AKT2: variants seen among roughly 807,000 people sequenced by gnomAD.
The protein encoded by AKT2 is RAC-beta serine/threonine-protein kinase.
A neutral mutation model predicts 58.6 loss-of-function variants in AKT2; 16 were observed. The ratio of observed to expected loss-of-function variants is 0.27; its 90% confidence interval spans 0.18 to 0.41. The LOEUF (loss-of-function observed/expected upper bound fraction) is 0.41. Ranked by LOEUF, AKT2 falls within the 10% of genes least tolerant of loss-of-function variation. AKT2 has a pLI of 1.00. For missense variants in AKT2, 438 were observed against 661.0 expected (o/e 0.66, Z 3.70); for synonymous variants, 253 against 254.0 (o/e 1.00, Z 0.04).
rs777596408 is a variant in AKT2 at position 40,234,022 on chromosome 19, G to C, written c.1367-71C>G. 5.3e-6 allele frequency: 8 copies of C among 1,518,100 alleles called. No individual in the cohort carries two copies. The highest frequency in any genetic ancestry group is 6.3e-6 in the Non-Finnish European group (7 of 1,114,414). The allele number at this position is 1,518,100 out of a possible 1,614,324, so 94.0% of individuals were successfully genotyped here. On this transcript the variant is annotated intron_variant, in intron 13 of 13. Transcript: ENST00000392038. The surrounding 1 kb of genome is among the most constrained non-coding windows in gnomAD (Gnocchi z 4.7). ...CTGGGACACCTGCCCAGACTCCCTG[G>C]GGAAACGGCCCCAGCTGGCGGGGGC...
intron 1 of AKT2, among the ~76,000 whole-genome samples, chr19:40,266,798 C>CAAA (rs1568562765): frequency 6.6e-6 from 1 of 152,010 alleles, no homozygotes; most frequent in African/African-American, 2.4e-5. Context: ...TTTTTTTCTA[C>CAAA]AAAAAAATTA....
In AKT2 at chr19:40,238,383, A is replaced by G. The variant is rs1974162937; in HGVS notation, c.709-292T>C. On this transcript the variant is annotated intron_variant, in intron 8 of 13. Coordinates refer to ENST00000392038, the MANE Select transcript of AKT2 (RefSeq NM_001626.6). This position sits in a 1 kb window ranked among gnomAD's most constrained non-coding sequence, Gnocchi z 5.1. ...AAAGAAGCACACGTCATGACCAAGT[A>G]ACAATAGGCCATGGGCAAGCCCAGA... is the stretch of plus-strand genomic sequence containing the variant. Among the ~76,000 whole-genome samples, 1 of 152,182 alleles carries G rather than the reference A, an allele frequency of 6.6e-6. No individual in the cohort carries two copies. The highest frequency in any genetic ancestry group is 2.1e-4 in the South Asian group (1 of 4,834).
At chr19:40,265,465 A>G in intron 1 of AKT2, 114 bp from the exon 2 acceptor site, 1 of 1,396,328 alleles carries the variant, frequency 7.2e-7, no homozygotes, top group South Asian at 1.4e-5. Context: ...AGCAAAGGGT[A>G]AGGCCAGCAA....
At chr19:40,252,793 G>A (rs1488286257) in intron 4 of AKT2, among the ~76,000 whole-genome samples, 1 of 152,098 alleles carries the variant, frequency 6.6e-6, no homozygotes, top group Non-Finnish European at 1.5e-5. Context: ...TGCTATCTCC[G>A]TGGCCAAATC....
intron 2 of AKT2, among the ~76,000 whole-genome samples, chr19:40,262,404 C>T (rs2145344531): frequency 6.6e-6 from 1 of 152,350 alleles, no homozygotes; most frequent in African/African-American, 2.4e-5. Flanking sequence ...GCACAGCCCA[C>T]ATCTTGACTA....
At chr19:40,252,433 C>T (rs1039416910) in intron 4 of AKT2, among the ~76,000 whole-genome samples, 5 of 152,198 alleles carry the variant, frequency 3.3e-5, no homozygotes, top group African/African-American at 7.2e-5. Flanking sequence ...AAAATGGAAA[C>T]GAGACCATCT....
At chr19:40,254,706 G>A (rs1343417403) in intron 4 of AKT2, among the ~76,000 whole-genome samples, 1 of 152,032 alleles carries the variant, frequency 6.6e-6, no homozygotes, top group Non-Finnish European at 1.5e-5. Flanking sequence ...GCACACGCCT[G>A]TAATCCCAGC....
chr19:40,235,383 C>G lies in AKT2; in HGVS notation c.1176-33G>C. The G allele has an allele frequency of 1.9e-6, 3 of 1,610,194 alleles. No individual in the cohort carries two copies. Among genetic ancestry groups the G allele is most frequent in the Non-Finnish European group, 2.5e-6 (3 of 1,177,634 alleles). ...GAGACGGCCGTCAGCACCTGCCTCC[C>G]GGAGCAGCTGGGTTCGGGCAGACGG... On this transcript the variant is annotated intron_variant, in intron 11 of 13. Transcript: ENST00000392038. The surrounding 1 kb of genome is among the most constrained non-coding windows in gnomAD (Gnocchi z 6.3).
At chr19:40,241,911 C>T (rs977482003) in intron 6 of AKT2, 27 bp downstream of exon 6, 36 of 1,612,972 alleles carry the variant, frequency 2.2e-5, no homozygotes, top group East Asian at 1.1e-4. Context: ...CACAGAGGCT[C>T]GCGAGCGCAA....
At chr19:40,248,018 C>T (rs1303851357) in intron 4 of AKT2, among the ~76,000 whole-genome samples, 1 of 152,228 alleles carries the variant, frequency 6.6e-6, no homozygotes, top group African/African-American at 2.4e-5. Context: ...CAAGCACAGG[C>T]TCTGGGCCAG....
chr19:40,235,257 G>A lies in AKT2; in HGVS notation c.1263+6C>T. On this transcript the variant is annotated splice_donor_region_variant and intron_variant, in intron 12 of 13. Coordinates refer to ENST00000392038, the MANE Select transcript of AKT2 (RefSeq NM_001626.6). This position sits in a 1 kb window ranked among gnomAD's most constrained non-coding sequence, Gnocchi z 6.3. The stretch of plus-strand genomic sequence containing the variant: ...GGGTCCTGCTGGGGCAAGCAGTGGG[G>A]CTCACCTTCTTCTGGACCACGTCCT... 6.2e-7 allele frequency: 1 copy of A among 1,614,084 alleles called. No homozygotes were observed. Among genetic ancestry groups the A allele is most frequent in the Non-Finnish European group, 8.5e-7 (1 of 1,180,010 alleles).
At position 40,235,151 on chromosome 19, in the gene AKT2, C is replaced by T. The variant is rs763704160; in HGVS notation, c.1264-4G>A. 3.1e-5 allele frequency: 50 copies of T among 1,613,800 alleles called. No individual in the cohort carries two copies. Among genetic ancestry groups the T allele is most frequent in the East Asian group, 1.8e-4 (8 of 44,848 alleles). On this transcript the variant is annotated splice_polypyrimidine_tract_variant and splice_region_variant and intron_variant, in intron 12 of 13. Coordinates refer to ENST00000392038, the MANE Select transcript of AKT2 (RefSeq NM_001626.6). The surrounding 1 kb of genome is among the most constrained non-coding windows in gnomAD (Gnocchi z 6.3). ...GAGGTTTGAAGGGTGGCAGGAGCTA[C>T]GGAGGAGAGGAGCTCAGGCTCAGGG...
At chr19:40,259,685 T>A (rs1975802175) in intron 2 of AKT2, among the ~76,000 whole-genome samples, 1 of 151,976 alleles carries the variant, frequency 6.6e-6, no homozygotes, top group Non-Finnish European at 1.5e-5. Flanking sequence ...CTAATAAGGG[T>A]CTATTAACCA....
At chr19:40,276,253 C>T (rs1390389451) in intron 1 of AKT2, among the ~76,000 whole-genome samples, 1 of 150,928 alleles carries the variant, frequency 6.6e-6, no homozygotes, top group Non-Finnish European at 1.5e-5. Context: ...CCCAAACTCA[C>T]ACCTCTAGTC....
chr19:40,265,209 A>C lies in AKT2; in HGVS notation c.46+13T>G, dbSNP rs1976262054. On this transcript the variant is annotated intron_variant, in intron 2 of 13. Coordinates refer to ENST00000392038, the MANE Select transcript of AKT2 (RefSeq NM_001626.6). ...TGGGAGAAAGAATCTGGCGGGCAAA[A>C]GCGGCCTCTTACCACGCTTGTGGAG... 3.1e-6 allele frequency: 5 copies of C among 1,612,288 alleles called. No homozygotes were observed. The highest frequency in any genetic ancestry group is 1.1e-5 in the South Asian group (1 of 90,582).
intron 4 of AKT2, among the ~76,000 whole-genome samples, chr19:40,251,562 AAATT>A (rs936483750): frequency 6.6e-5 from 10 of 152,218 alleles, no homozygotes; most frequent in African/African-American, 2.4e-4. Flanking sequence ...AAAAATAAAT[AAATT>A]AATAAAAAAT....
chr19:40,275,846 C>T (rs1460799437), intron 1 of AKT2, among the ~76,000 whole-genome samples: 1 of 140,416 alleles, frequency 7.1e-6, no homozygotes, highest in Non-Finnish European at 1.5e-5. Context: ...AACCCTGTCT[C>T]TACTAAAAAT....
intron 4 of AKT2, among the ~76,000 whole-genome samples, chr19:40,253,517 C>T (rs937152833): frequency 6.6e-6 from 1 of 152,086 alleles, no homozygotes; most frequent in Non-Finnish European, 1.5e-5. Context: ...TCAAACTCAT[C>T]CACAGAGAAA....
chr19:40,235,764 G>T lies in AKT2; in HGVS notation c.1175+126C>A. Reference sequence around the variant, plus strand: ...AAGTGCCACTGTGGACGTTTTCAGGGGCTGTGTGGGGACGACACACTGCGA... The same window carrying T: ...AAGTGCCACTGTGGACGTTTTCAGGTGCTGTGTGGGGACGACACACTGCGA... On this transcript the variant is annotated intron_variant, in intron 11 of 13. Coordinates refer to ENST00000392038, the MANE Select transcript of AKT2 (RefSeq NM_001626.6). This position sits in a 1 kb window ranked among gnomAD's most constrained non-coding sequence, Gnocchi z 6.3. 1.0e-6 allele frequency: 1 copy of T among 997,018 alleles called. No individual in the cohort carries two copies. 61.8% of individuals were successfully genotyped at this position (997,018 alleles called of 1,614,324 possible).
Sources: allele counts gnomAD v4.1 joint callset (sites outside exome capture counted in the v4.1 genomes callset), GRCh38; gene constraint gnomAD v4.1.1; non-coding constraint Gnocchi (gnomAD v3.1); transcripts MANE v1.5; gene names NCBI Gene and HGNC (gene_info 2026-07-23, HGNC 2026-07-21).